The following PRELID2 variants were observed in gnomAD, a reference collection of about 807,000 sequenced individuals.
The protein encoded by PRELID2 is PRELI domain-containing protein 2.
Under a neutral mutation model 28.4 loss-of-function variants are expected in PRELID2, and 25 were observed. The ratio of observed to expected loss-of-function variants is 0.88; its 90% CI spans 0.64 to 1.23. The LOEUF (loss-of-function observed/expected upper bound fraction) is 1.23. Among genes scored for constraint, PRELID2 ranks in the 50% most tolerant of loss-of-function variants. PRELID2 has a pLI of 0.00. For synonymous variants in PRELID2, 76 were observed against 71.6 expected (o/e 1.06, Z -0.31); for missense variants, 201 against 214.4 (o/e 0.94, Z 0.39).
At chr5:145,639,706 A>G (rs916158801) in intron 1 of PRELID2, among the ~76,000 whole-genome samples, 1 of 152,220 alleles carries the variant, frequency 6.6e-6, no homozygotes, top group African/African-American at 2.4e-5. Flanking sequence ...GGTTGGGCCT[A>G]AGGGATATTT....
chr5:145,785,562 T>C (rs529247635), intron 5 of PRELID2, among the ~76,000 whole-genome samples: 2 of 152,334 alleles, frequency 1.3e-5, no homozygotes, highest in African/African-American at 4.8e-5. Context: ...CTGTGAGCAT[T>C]CTAATCAGCA....
intron 5 of PRELID2, among the ~76,000 whole-genome samples, chr5:145,794,181 T>A (rs973679613): frequency 6.6e-6 from 1 of 151,082 alleles, no homozygotes; most frequent in African/African-American, 2.4e-5. Context: ...ACAGAAAGAG[T>A]GGAATAAAAT....
the PRELID2 span, among the ~76,000 whole-genome samples, chr5:145,433,098 T>C: frequency 3.8e-4 from 58 of 152,104 alleles, 1 homozygote; most frequent in Non-Finnish European, 4.4e-5. Context: ...GCATTTTGTC[T>C]CCCCAACATC....
the PRELID2 span, among the ~76,000 whole-genome samples, chr5:145,314,146 C>T: frequency 6.6e-6 from 1 of 152,158 alleles, no homozygotes; most frequent in African/African-American, 2.4e-5. Context: ...GATGAAGAAA[C>T]AGAGATGTCT....
At chr5:145,235,572 C>G in the PRELID2 span, among the ~76,000 whole-genome samples, 1 of 152,110 alleles carries the variant, frequency 6.6e-6, no homozygotes, top group Non-Finnish European at 1.5e-5. Context: ...AACAATGTGT[C>G]TGTGCTCTTT....
At chr5:145,528,963 A>G (rs1041747410) in intron 1 of PRELID2, among the ~76,000 whole-genome samples, 3 of 152,100 alleles carry the variant, frequency 2.0e-5, no homozygotes, top group Non-Finnish European at 4.4e-5. Context: ...CCATTCCCCA[A>G]CTATATCCCT....
the PRELID2 span, among the ~76,000 whole-genome samples, chr5:145,460,793 C>G: frequency 2.5e-3 from 381 of 152,300 alleles, no homozygotes; most frequent in African/African-American, 7.4e-3. Flanking sequence ...TTCTATTGTG[C>G]TATACTGCCT....
the PRELID2 span, among the ~76,000 whole-genome samples, chr5:145,436,597 TG>T: frequency 6.6e-6 from 1 of 151,992 alleles, no homozygotes; most frequent in Non-Finnish European, 1.5e-5. Flanking sequence ...ATTTGTTTTT[TG>T]TTTTTGTTTT....
chr5:145,238,167 T>C, the PRELID2 span, among the ~76,000 whole-genome samples: 1 of 152,054 alleles, frequency 6.6e-6, no homozygotes, highest in East Asian at 1.9e-4. Context: ...AGGGCCACAT[T>C]ACAGAAGAGA....
chr5:145,812,649 T>G (rs1179637552), intron 4 of PRELID2, among the ~76,000 whole-genome samples: 7 of 296 alleles, frequency 0.024, no homozygotes, highest in Non-Finnish European at 0.054. Flanking sequence ...ATTGTCTGAG[T>G]CAGGTTTCTG....
the PRELID2 span, among the ~76,000 whole-genome samples, chr5:145,405,070 ACT>A: frequency 6.6e-6 from 1 of 152,202 alleles, no homozygotes; most frequent in Non-Finnish European, 1.5e-5. Flanking sequence ...AAATAAAAAA[ACT>A]TCAAGTGCCA....
At chr5:145,288,632 C>T in the PRELID2 span, among the ~76,000 whole-genome samples, 1 of 152,062 alleles carries the variant, frequency 6.6e-6, no homozygotes, top group Non-Finnish European at 1.5e-5. Flanking sequence ...TGCTTCCAAG[C>T]TTTCTTAGCT....
At chr5:145,795,748 T>C (rs1238575479) in intron 5 of PRELID2, 1 of 152,118 alleles carries the variant, frequency 6.6e-6, no homozygotes, top group South Asian at 2.1e-4. Context: ...TAAAAATGCA[T>C]AAGCAATGGG....
the PRELID2 span, among the ~76,000 whole-genome samples, chr5:145,317,916 A>G: frequency 4.6e-5 from 7 of 152,194 alleles, no homozygotes; most frequent in East Asian, 1.3e-3. Flanking sequence ...CTAGACCCAT[A>G]GATCTCACTA....
chr5:145,283,164 C>G, the PRELID2 span, among the ~76,000 whole-genome samples: 1 of 152,164 alleles, frequency 6.6e-6, no homozygotes, highest in African/African-American at 2.4e-5. Flanking sequence ...AGTCAAAACC[C>G]TCTCCAGACA....
At chr5:145,386,654 C>A in the PRELID2 span, among the ~76,000 whole-genome samples, 1 of 152,112 alleles carries the variant, frequency 6.6e-6, no homozygotes, top group African/African-American at 2.4e-5. Flanking sequence ...TAATACATGG[C>A]CCTTATTATT....
intron 2 of PRELID2, among the ~76,000 whole-genome samples, chr5:145,821,561 C>T (rs116499172): frequency 0.014 from 2,155 of 152,290 alleles, 36 homozygotes; most frequent in African/African-American, 0.044. Flanking sequence ...CTTTGTGAAT[C>T]ACTGTGACTT....
intron 4 of PRELID2, among the ~76,000 whole-genome samples, chr5:145,816,188 T>C (rs1255294619): frequency 2.7e-5 from 4 of 150,584 alleles, no homozygotes; most frequent in Non-Finnish European, 4.4e-5. Flanking sequence ...GTTCAAGCTA[T>C]TCTCGTGCCT....
the PRELID2 span, among the ~76,000 whole-genome samples, chr5:145,409,614 A>T: frequency 6.6e-6 from 1 of 151,986 alleles, no homozygotes; most frequent in Admixed American, 6.6e-5. Flanking sequence ...AATAACAGTT[A>T]AAAAAAGACA....
Sources: allele counts gnomAD v4.1 joint callset (sites outside exome capture counted in the v4.1 genomes callset), GRCh38; gene constraint gnomAD v4.1.1; transcripts MANE v1.5; gene names NCBI Gene and HGNC (gene_info 2026-07-23, HGNC 2026-07-21).